Variants in COL4A4 observed in about 807,000 individuals in gnomAD.
COL4A4 encodes collagen type IV alpha 4 chain.
COL4A4 carries 105 observed loss-of-function variants against 192.9 expected under a neutral mutation model. That is an observed-to-expected ratio of 0.54 (90% CI 0.46 to 0.64). COL4A4 has a LOEUF of 0.64. Among genes scored for constraint, COL4A4 ranks in the 30% least tolerant of loss-of-function variants. The pLI, the probability that COL4A4 is intolerant of heterozygous loss-of-function variation, is 0.00. For synonymous variants in COL4A4, 762 were observed against 769.9 expected (o/e 0.99, Z 0.17); for missense variants, 1,967 against 2,169.3 (o/e 0.91, Z 1.85).
chr2:227,043,249 G>A, intron 35 of COL4A4, 65 bp from the exon 36 acceptor site: 1 of 1,299,098 alleles, frequency 7.7e-7, no homozygotes, highest in African/African-American at 1.5e-5. Flanking sequence ...AAATCACCAA[G>A]TTCAGCCCAC....
chr2:227,010,553 C>T, intron 45 of COL4A4, 52 bp from the exon 46 acceptor site: 1 of 1,422,532 alleles, frequency 7.0e-7, no homozygotes, highest in Non-Finnish European at 9.4e-7. Context: ...TTTGGTTTAA[C>T]AAATATGTTA....
intron 44 of COL4A4, among the ~76,000 whole-genome samples, chr2:227,015,243 T>C (rs904970022): frequency 1.3e-5 from 2 of 152,162 alleles, no homozygotes; most frequent in Non-Finnish European, 2.9e-5. Context: ...CACTATTTCT[T>C]CATGATAATC....
intron 37 of COL4A4, among the ~76,000 whole-genome samples, chr2:227,035,112 C>A (rs1969344225): frequency 6.6e-6 from 1 of 151,970 alleles, no homozygotes; most frequent in Non-Finnish European, 1.5e-5. Context: ...ACAATCATGT[C>A]TTTGGGTGAC....
At chr2:226,994,350 C>T in the COL4A4 span, among the ~76,000 whole-genome samples, 1 of 152,184 alleles carries the variant, frequency 6.6e-6, no homozygotes, top group Non-Finnish European at 1.5e-5. Flanking sequence ...AATGCCTACA[C>T]ATCTGGCAGG....
chr2:227,061,120 G>T (rs917953578), intron 26 of COL4A4, among the ~76,000 whole-genome samples: 3 of 152,188 alleles, frequency 2.0e-5, no homozygotes, highest in African/African-American at 7.2e-5. Flanking sequence ...AGGCACAACT[G>T]TCAAATTAAA....
intron 43 of COL4A4, among the ~76,000 whole-genome samples, chr2:227,024,899 G>A (rs1966717329): frequency 6.6e-6 from 1 of 152,164 alleles, no homozygotes; most frequent in Admixed American, 6.5e-5. Flanking sequence ...GGGAGCATGT[G>A]TTTGGTGCTT....
chr2:227,042,356 C>A, intron 36 of COL4A4, 101 bp from the exon 37 acceptor site: 1 of 722,620 alleles, frequency 1.4e-6, no homozygotes. Flanking sequence ...ACGGAGAACA[C>A]TGTCTAATTA....
the COL4A4 span, among the ~76,000 whole-genome samples, chr2:226,985,961 C>G: frequency 1.3e-5 from 2 of 152,236 alleles, no homozygotes; most frequent in African/African-American, 4.8e-5. Flanking sequence ...GTGGAGAAAA[C>G]TGATGAAAGC....
chr2:226,974,880 C>T, the COL4A4 span, among the ~76,000 whole-genome samples: 1 of 152,170 alleles, frequency 6.6e-6, no homozygotes, highest in Non-Finnish European at 1.5e-5. Context: ...TCAGGGACAT[C>T]CTGGAGATCT....
intron 1 of COL4A4, among the ~76,000 whole-genome samples, chr2:227,148,622 G>C (rs1240826424): frequency 6.6e-6 from 1 of 152,034 alleles, no homozygotes; most frequent in South Asian, 2.1e-4. Flanking sequence ...ATTTCATCTT[G>C]TGAATTATAT....
At chr2:227,015,245 A>G (rs564192215) in intron 44 of COL4A4, among the ~76,000 whole-genome samples, 39 of 152,224 alleles carry the variant, frequency 2.6e-4, no homozygotes, top group Non-Finnish European at 2.9e-5. Context: ...CTATTTCTTC[A>G]TGATAATCAG....
Position 227,032,160 on chromosome 2 carries a change from G to A in COL4A4, c.3694C>T (p.Pro1232Ser). The A allele has an allele frequency of 6.2e-7, 1 of 1,614,156 alleles. No individual in the cohort carries two copies. The highest frequency in any genetic ancestry group is 1.1e-5 in the South Asian group (1 of 91,084). ...PPGPRGKKGP[P>S]GPPGSSGPPG... ...TGCTACAGCTTACCTGGGGGTCCTG[G>A]GGGACCTTTCTTTCCACGAGGACCT... The change falls in exon 39 of 48, where the codon CCA (proline) becomes TCA (serine). Residue 1232 changes from proline (P) to serine (S), a missense_variant. Transcript: ENST00000396625.
At chr2:227,142,473 G>T (rs188109650) in intron 3 of COL4A4, among the ~76,000 whole-genome samples, 7 of 152,176 alleles carry the variant, frequency 4.6e-5, no homozygotes, top group Admixed American at 3.9e-4. Context: ...AAGTTCAAAG[G>T]CTGGCTGCGG....
chr2:227,103,976 T>C lies in COL4A4; in HGVS notation c.812A>G (p.Glu271Gly). 1 of 1,612,868 alleles carries C rather than the reference T, an allele frequency of 6.2e-7. No homozygotes were observed. The highest frequency in any genetic ancestry group is 8.5e-7 in the Non-Finnish European group (1 of 1,179,320). The change falls in exon 13 of 48, where the codon GAA becomes GGA. Residue 271 changes from glutamate (E) to glycine (G), a missense_variant. Physicochemically the swap from Glu to Gly is moderately conservative, Grantham distance 98. Transcript: ENST00000396625. ...ACATATGGATTTGGGAATTACCTTT[T>C]CTCCTTTATAGAGACAAAAGTCAGG... The part of the protein sequence containing the change: ...EPPDFCLYKG[E>G]KGIKGIPGMV...
At position 227,121,979 on chromosome 2, in the gene COL4A4, C is replaced by T. The variant is rs531546303; in HGVS notation, c.193-831G>A. 1.4e-3 allele frequency among the ~76,000 whole-genome samples: 217 copies of T among 152,334 alleles called. 2 individuals carry two copies. The highest frequency in any genetic ancestry group is 0.014 in the Admixed American group (209 of 15,298). On this transcript the variant is annotated intron_variant, in intron 4 of 47. Transcript: ENST00000396625. ...ATAACTAATGATTTGCCTGCCCTTT[C>T]GAAGGACAACATTTCTTTTTTGGCT...
At chr2:226,970,839 C>T in the COL4A4 span, among the ~76,000 whole-genome samples, 2 of 152,098 alleles carry the variant, frequency 1.3e-5, no homozygotes, top group Non-Finnish European at 2.9e-5. Flanking sequence ...GTGTGTGCCT[C>T]GGAGAGGAGG....
intron 2 of COL4A4, among the ~76,000 whole-genome samples, chr2:227,144,847 T>A (rs1035608481): frequency 6.6e-6 from 1 of 151,956 alleles, no homozygotes; most frequent in Non-Finnish European, 1.5e-5. Flanking sequence ...GAGGGACAGA[T>A]GAGTGAAAGA....
chr2:227,141,130 T>C (rs1576820897), intron 3 of COL4A4, among the ~76,000 whole-genome samples: 1 of 152,160 alleles, frequency 6.6e-6, no homozygotes, highest in East Asian at 1.9e-4. Context: ...GGAGTGGTGG[T>C]TTAGGCCCCT....
At chr2:227,084,808 C>T (rs929042697) in intron 22 of COL4A4, among the ~76,000 whole-genome samples, 3 of 152,062 alleles carry the variant, frequency 2.0e-5, no homozygotes, top group Non-Finnish European at 2.9e-5. Context: ...ACTTGTGTTA[C>T]TCTAACAACG....
Sources: gnomAD v4.1 joint callset for allele counts (sites outside exome capture counted in the v4.1 genomes callset) on GRCh38, gnomAD v4.1.1 for gene constraint, MANE v1.5 for transcripts, NCBI Gene and HGNC (gene_info 2026-07-23, HGNC 2026-07-21) for gene names.